The following BUB1B variants were observed in gnomAD, a reference collection of about 807,000 sequenced individuals.
BUB1B encodes mitotic checkpoint serine/threonine-protein kinase BUB1 beta.
BUB1B carries 86 observed loss-of-function variants against 137.7 expected under a neutral mutation model. The observed-to-expected ratio is 0.62, with a 90% confidence interval of 0.52 to 0.75. BUB1B has a LOEUF of 0.75. Among genes scored for constraint, BUB1B ranks in the 30% least tolerant of loss-of-function variants. The pLI, the probability that BUB1B is intolerant of heterozygous loss-of-function variation, is 0.00. For synonymous variants in BUB1B, 420 were observed against 417.9 expected, an observed-to-expected ratio of 1.00 and a Z score of -0.06; for missense variants, 1,130 against 1,236.9, an observed-to-expected ratio of 0.91 and a Z score of 1.30.
At chr15:40,167,080 A>G (rs2037108010) in intron 2 of BUB1B, among the ~76,000 whole-genome samples, 1 of 151,876 alleles carries the variant, frequency 6.6e-6, no homozygotes, top group Non-Finnish European at 1.5e-5. Flanking sequence ...TATGCTCCTC[A>G]GTAGGGGTTC....
intron 22 of BUB1B, 60 bp downstream of exon 22, chr15:40,218,622 G>T: frequency 7.9e-7 from 1 of 1,270,680 alleles, no homozygotes. Flanking sequence ...TTTCTCTTGG[G>T]TGCTATCTCT....
chr15:40,206,179 T>G lies in BUB1B; in HGVS notation c.1735-5T>G. The stretch of plus-strand genomic sequence containing the variant: ...TAGCTAAACTTTATATGGTCTTTAT[T>G]TCAGGATGAATTTACAGGAATTGAA... On this transcript the variant is annotated splice_region_variant and splice_polypyrimidine_tract_variant and intron_variant, in intron 14 of 22. Transcript: ENST00000287598. The G allele has an allele frequency of 2.5e-6, 4 of 1,614,070 alleles. No homozygotes were observed. Among genetic ancestry groups the G allele is most frequent in the Non-Finnish European group, 3.4e-6 (4 of 1,180,014 alleles).
chr15:40,182,073 G>T (rs1335281408), intron 5 of BUB1B, among the ~76,000 whole-genome samples: 2 of 152,132 alleles, frequency 1.3e-5, no homozygotes, highest in Admixed American at 6.6e-5. Context: ...GCATGGTTGT[G>T]GGTGCCTGCA....
chr15:40,183,617 C>T, intron 5 of BUB1B, 97 bp from the exon 6 acceptor site: 1 of 1,073,244 alleles, frequency 9.3e-7, no homozygotes, highest in East Asian at 2.4e-5. Flanking sequence ...CTTCCCCCAG[C>T]CTGCTCTTCT....
At chr15:40,183,408 A>T (rs1468245470) in intron 5 of BUB1B, among the ~76,000 whole-genome samples, 1 of 152,190 alleles carries the variant, frequency 6.6e-6, no homozygotes, top group Non-Finnish European at 1.5e-5. Flanking sequence ...AATCTTAATA[A>T]ACTCTGTGAT....
At chr15:40,180,247 GTTTCT>G (rs1252787921) in intron 5 of BUB1B, among the ~76,000 whole-genome samples, 8,426 of 108,244 alleles carry the variant, frequency 0.078, 325 homozygotes, top group Non-Finnish European at 0.11. Context: ...TCAACGTTTC[GTTTCT>G]TTTTTTTTTT....
chr15:40,216,445 C>G (rs1007175781), intron 20 of BUB1B, among the ~76,000 whole-genome samples: 3 of 149,708 alleles, frequency 2.0e-5, no homozygotes, highest in Non-Finnish European at 3.0e-5. Context: ...GTCTAAGAAA[C>G]CAAACAAAAC....
intron 4 of BUB1B, among the ~76,000 whole-genome samples, chr15:40,174,899 A>C (rs1595513547): frequency 1.3e-5 from 2 of 152,146 alleles, no homozygotes; most frequent in South Asian, 4.1e-4. Context: ...GGGAGGCGGA[A>C]GTTGCAGTGA....
chr15:40,205,374 T>C (rs1023511909), intron 14 of BUB1B, among the ~76,000 whole-genome samples: 3 of 152,204 alleles, frequency 2.0e-5, no homozygotes, highest in Non-Finnish European at 2.9e-5. Context: ...GGTATCCATA[T>C]GGGTTAAATC....
chr15:40,202,099 T>C (rs2037578493), intron 12 of BUB1B, among the ~76,000 whole-genome samples: 1 of 152,182 alleles, frequency 6.6e-6, no homozygotes, highest in East Asian at 1.9e-4. Context: ...AAGCCTCTTT[T>C]AGAAATATAT....
intron 8 of BUB1B, 140 bp downstream of exon 8, chr15:40,185,782 C>T (rs2037353949): frequency 1.6e-5 from 13 of 815,308 alleles, no homozygotes; most frequent in Non-Finnish European, 2.7e-5. Flanking sequence ...CCTGTAATCC[C>T]AGCACAGGCT....
chr15:40,175,121 CT>C (rs1328267773), intron 4 of BUB1B, among the ~76,000 whole-genome samples: 4 of 152,048 alleles, frequency 2.6e-5, no homozygotes, highest in Admixed American at 2.6e-4. Context: ...AATTTGTTAC[CT>C]TTTAACATAG....
At chr15:40,174,594 A>T (rs952608633) in intron 4 of BUB1B, among the ~76,000 whole-genome samples, 2 of 152,254 alleles carry the variant, frequency 1.3e-5, no homozygotes, top group African/African-American at 4.8e-5. Flanking sequence ...AATTAGGAAC[A>T]GATAAATAGG....
At chr15:40,179,967 C>CATATATATATAT (rs34339420) in intron 5 of BUB1B, among the ~76,000 whole-genome samples, 187 of 143,576 alleles carry the variant, frequency 1.3e-3, no homozygotes, top group African/African-American at 4.7e-3. Context: ...TTTCAAAAGC[C>CATATATATATAT]ATATATATAT....
chr15:40,213,408 A>T lies in BUB1B; in HGVS notation c.2612A>T (p.Glu871Val), dbSNP rs1399035318. 1 of 1,614,044 alleles carries T rather than the reference A, an allele frequency of 6.2e-7. No homozygotes were observed. Among genetic ancestry groups the T allele is most frequent in the East Asian group, 2.2e-5 (1 of 44,890 alleles). ...ATTTATAACCTTTTGACAATAGTGG[A>T]GATGCTACACAAAGCAGAAATAGTC... is the stretch of plus-strand genomic sequence containing the variant. The part of the protein sequence containing the change: ...LIIYNLLTIV[E>V]MLHKAEIVHG... Residue 871 changes from glutamate (E) to valine (V), a missense_variant, in exon 20 of 23, where the codon GAG (glutamate) becomes GTG (valine). By Grantham distance (121) the Glu-to-Val change is moderately radical. Transcript: ENST00000287598.
intron 8 of BUB1B, among the ~76,000 whole-genome samples, chr15:40,190,521 G>A (rs2037422827): frequency 6.6e-6 from 1 of 152,148 alleles, no homozygotes; most frequent in African/African-American, 2.4e-5. Flanking sequence ...GGATGAGGTG[G>A]GAGGATTGTT....
Position 40,199,684 on chromosome 15 carries a change from T to C in BUB1B, c.1358T>C (p.Leu453Pro), listed in dbSNP as rs1356876567. The C allele has an allele frequency of 6.2e-7, 1 of 1,613,946 alleles. No individual in the cohort carries two copies. Among genetic ancestry groups the C allele is most frequent in the Non-Finnish European group, 8.5e-7 (1 of 1,179,882 alleles). Residue 453 changes from leucine to proline, a missense_variant, in exon 10 of 23, where the codon CTA becomes CCA. Coordinates refer to ENST00000287598, the MANE Select transcript of BUB1B (RefSeq NM_001211.6). ...QKQIEEMEKK[L>P]KEIQTTQQER... is the part of the protein sequence containing the mutation. Reference sequence around the variant, plus strand: ...CAGATTGAAGAGATGGAGAAGAAGCTAAAAGAAATCCAAACTACTCAGCAA... The same window carrying C: ...CAGATTGAAGAGATGGAGAAGAAGCCAAAAGAAATCCAAACTACTCAGCAA...
chr15:40,172,466 C>CTT lies in BUB1B; in HGVS notation c.384+1793_384+1794dup, dbSNP rs570384400. 1.9e-3 allele frequency among the ~76,000 whole-genome samples: 283 copies of CTT among 151,314 alleles called. 1 individual carries two copies. Among genetic ancestry groups the CTT allele is most frequent in the African/African-American group, 6.6e-3 (271 of 41,268 alleles). ...AGTTTGTATGCCATATGTATTATAT[C>CTT]TTTTTTTTTACAACAATCTTAGCTA... is the stretch of plus-strand genomic sequence containing the variant. On this transcript the variant is annotated intron_variant, in intron 4 of 22. Coordinates refer to ENST00000287598, the MANE Select transcript of BUB1B (RefSeq NM_001211.6).
In BUB1B at chr15:40,200,344, T is replaced by G; in HGVS notation, c.1502T>G (p.Val501Gly). 1 of 1,613,562 alleles carries G rather than the reference T, an allele frequency of 6.2e-7. No individual in the cohort carries two copies. The highest frequency in any genetic ancestry group is 1.3e-5 in the African/African-American group (1 of 75,030). Residue 501 changes from valine to glycine, a missense_variant, in exon 11 of 23, where the codon GTA becomes GGA. Transcript: ENST00000287598. Reference protein sequence around the residue: ...GMTLSSSVCQVNCCARETSLA... With the variant: ...GMTLSSSVCQGNCCARETSLA... ...ACTCTATCCAGTTCTGTTTGTCAAG[T>G]AAACTGTTGTGCCAGGTAAGACTAC...
Sources: gnomAD v4.1 joint callset for allele counts (sites outside exome capture counted in the v4.1 genomes callset) on GRCh38, gnomAD v4.1.1 for gene constraint, MANE v1.5 for transcripts, NCBI Gene and HGNC (gene_info 2026-07-23, HGNC 2026-07-21) for gene names.